The following ARHGEF3 variants were observed in gnomAD, a reference collection of about 807,000 sequenced individuals.
ARHGEF3 encodes 59.8 kDA protein.
A neutral mutation model predicts 63.2 loss-of-function variants in ARHGEF3; 28 were observed. The observed-to-expected ratio is 0.44, with a 90% CI of 0.33 to 0.61. The LOEUF (loss-of-function observed/expected upper bound fraction) is 0.61, where lower values mean the gene tolerates loss of function less well. Ranked by LOEUF, ARHGEF3 falls within the 20% of genes least tolerant of loss-of-function variation. ARHGEF3 has a pLI of 0.03. For missense variants in ARHGEF3, 533 were observed against 659.3 expected (o/e 0.81, Z 2.10); for synonymous variants, 266 against 254.2 (o/e 1.05, Z -0.44).
chr3:56,846,569 T>C (rs935105558), intron 4 of ARHGEF3, among the ~76,000 whole-genome samples: 1 of 152,208 alleles, frequency 6.6e-6, no homozygotes, highest in African/African-American at 2.4e-5. Flanking sequence ...TTTGTATAAA[T>C]TGCTGGGAAT....
intron 4 of ARHGEF3, among the ~76,000 whole-genome samples, chr3:56,872,067 G>A (rs1434752301): frequency 6.6e-6 from 1 of 152,140 alleles, no homozygotes; most frequent in East Asian, 1.9e-4. Context: ...AATGCATTAA[G>A]AAGCACATGC....
intron 2 of ARHGEF3, among the ~76,000 whole-genome samples, chr3:56,760,245 C>T (rs1488043576): frequency 6.6e-6 from 1 of 152,166 alleles, no homozygotes; most frequent in Non-Finnish European, 1.5e-5. Context: ...CAGATAGGTA[C>T]ATAATAGTAC....
chr3:56,792,369 G>C (rs1245017886), intron 1 of ARHGEF3, among the ~76,000 whole-genome samples: 4 of 152,162 alleles, frequency 2.6e-5, no homozygotes, highest in Non-Finnish European at 5.9e-5. Flanking sequence ...GTTTGCTAGT[G>C]AGTAATGGCT....
At chr3:56,891,717 T>TA (rs2041127980) in intron 3 of ARHGEF3, among the ~76,000 whole-genome samples, 1 of 152,146 alleles carries the variant, frequency 6.6e-6, no homozygotes, top group Admixed American at 6.5e-5. Flanking sequence ...CTGTGAAAGT[T>TA]AAATAGATCA....
intron 1 of ARHGEF3, among the ~76,000 whole-genome samples, chr3:57,051,009 A>G (rs1704646142): frequency 6.6e-6 from 1 of 152,212 alleles, no homozygotes; most frequent in Admixed American, 6.5e-5. Flanking sequence ...GGTGCTGGAC[A>G]TATTTCGGAA....
chr3:56,991,955 GCATT>G (rs1389170136), intron 2 of ARHGEF3, among the ~76,000 whole-genome samples: 1 of 151,666 alleles, frequency 6.6e-6, no homozygotes, highest in East Asian at 1.9e-4. Flanking sequence ...TCTTATTCCA[GCATT>G]CTTTTTTCCA....
intron 4 of ARHGEF3, among the ~76,000 whole-genome samples, chr3:56,844,033 T>C (rs963805833): frequency 6.6e-6 from 1 of 152,176 alleles, no homozygotes; most frequent in African/African-American, 2.4e-5. Flanking sequence ...ATATCTACCT[T>C]TCCAGGTCAC....
At chr3:56,766,619 C>T (rs946255775) in intron 2 of ARHGEF3, among the ~76,000 whole-genome samples, 3 of 152,174 alleles carry the variant, frequency 2.0e-5, no homozygotes, top group East Asian at 1.9e-4. Context: ...AGTAAGACAC[C>T]ACCTTGGCTT....
At chr3:57,011,474 G>T (rs907574249) in intron 2 of ARHGEF3, among the ~76,000 whole-genome samples, 20 of 152,248 alleles carry the variant, frequency 1.3e-4, no homozygotes, top group Non-Finnish European at 2.6e-4. Context: ...TGTTACAAGG[G>T]AGTGGGGTGA....
intron 3 of ARHGEF3, among the ~76,000 whole-genome samples, chr3:56,950,120 A>C (rs1159177202): frequency 3.3e-5 from 5 of 152,092 alleles, no homozygotes; most frequent in Admixed American, 6.5e-5. Flanking sequence ...CACCTTATAC[A>C]AAAATTAATT....
chr3:57,030,919 C>T (rs181027921), intron 2 of ARHGEF3, among the ~76,000 whole-genome samples: 73 of 152,302 alleles, frequency 4.8e-4, no homozygotes, highest in Non-Finnish European at 2.2e-4. Flanking sequence ...AGACAAACTG[C>T]CCATAAATCA....
intron 3 of ARHGEF3, among the ~76,000 whole-genome samples, chr3:56,958,166 A>T (rs1226511322): frequency 6.6e-6 from 1 of 152,000 alleles, no homozygotes; most frequent in African/African-American, 2.4e-5. Flanking sequence ...TTTTTCCTTC[A>T]TTGTACACTG....
intron 3 of ARHGEF3, among the ~76,000 whole-genome samples, chr3:56,915,577 G>A (rs1430710934): frequency 6.6e-6 from 1 of 152,166 alleles, no homozygotes; most frequent in African/African-American, 2.4e-5. Context: ...GTAACCTTCA[G>A]AGCTCCTAAC....
intron 3 of ARHGEF3, among the ~76,000 whole-genome samples, chr3:56,947,809 A>T (rs1354268853): frequency 6.6e-6 from 1 of 152,168 alleles, no homozygotes; most frequent in African/African-American, 2.4e-5. Context: ...CTCCACCCCA[A>T]ATCAACAGAA....
intron 1 of ARHGEF3, among the ~76,000 whole-genome samples, chr3:57,050,933 T>G (rs1014088480): frequency 6.6e-6 from 1 of 152,180 alleles, no homozygotes; most frequent in East Asian, 1.9e-4. Context: ...AAGCAAGAAG[T>G]GGCCTCAATG....
At chr3:57,072,603 G>C (rs529402525) in intron 1 of ARHGEF3, among the ~76,000 whole-genome samples, 1 of 151,612 alleles carries the variant, frequency 6.6e-6, no homozygotes, top group Non-Finnish European at 1.5e-5. Flanking sequence ...TTAGCCAGGC[G>C]TGGTGGCACA....
chr3:56,808,123 C>CA (rs201541052), intron 4 of ARHGEF3, among the ~76,000 whole-genome samples: 4,121 of 114,732 alleles, frequency 0.036, 123 homozygotes, highest in Non-Finnish European at 0.05. Context: ...GACTCTGTCT[C>CA]AAAAAAAAAA....
At chr3:56,918,473 C>T (rs759184481) in intron 3 of ARHGEF3, among the ~76,000 whole-genome samples, 18 of 152,246 alleles carry the variant, frequency 1.2e-4, no homozygotes, top group Non-Finnish European at 2.2e-4. Flanking sequence ...TGCAGCACTT[C>T]GTGCAAGAGG....
intron 4 of ARHGEF3, among the ~76,000 whole-genome samples, chr3:56,821,821 G>T (rs1257433134): frequency 6.6e-6 from 1 of 151,980 alleles, no homozygotes; most frequent in Non-Finnish European, 1.5e-5. Context: ...AAAATTAGCC[G>T]GGCATGGTGG....
Sources: allele counts gnomAD v4.1 joint callset (sites outside exome capture counted in the v4.1 genomes callset), GRCh38; gene constraint gnomAD v4.1.1; transcripts MANE v1.5; gene names NCBI Gene and HGNC (gene_info 2026-07-23, HGNC 2026-07-21).